The following KIAA2012 variants were observed in gnomAD, a reference collection of about 807,000 sequenced individuals.
KIAA2012 encodes the protein KIAA2012.
In KIAA2012, 125 loss-of-function variants were observed where a neutral mutation model predicts 150.6. The ratio of observed to expected loss-of-function variants is 0.83; its 90% CI spans 0.72 to 0.96. The LOEUF (loss-of-function observed/expected upper bound fraction) is 0.96. Ranked by LOEUF, KIAA2012 falls within the 40% of genes least tolerant of loss-of-function variation. KIAA2012 has a pLI of 0.00. For synonymous variants in KIAA2012, 462 were observed against 504.7 expected (o/e 0.92, Z 1.13); for missense variants, 1,219 against 1,354.9 (o/e 0.90, Z 1.57).
intron 2 of KIAA2012, chr2:202,076,951 AC>A (rs1239879043): frequency 2.2e-6 from 1 of 456,534 alleles, no homozygotes; most frequent in Non-Finnish European, 4.4e-6. Context: ...CCAATGGGAG[AC>A]GCTGGAAAGA....
intron 15 of KIAA2012, among the ~76,000 whole-genome samples, chr2:202,182,108 C>CTTTTTTTTTTTTTTTTTTTTT (rs754494077): frequency 9.6e-6 from 1 of 104,120 alleles, no homozygotes; most frequent in Admixed American, 1.0e-4. Flanking sequence ...TTTCTTTATT[C>CTTTTTTTTTTTTTTTTTTTTT]TTTTTTTTTT....
At chr2:202,100,493 GGAGGGA>G in intron 7 of KIAA2012, 44 bp downstream of exon 7, 1 of 1,494,082 alleles carries the variant, frequency 6.7e-7, no homozygotes, top group Non-Finnish European at 9.0e-7. Context: ...GAGAGAGAGA[GGAGGGA>G]AGAGAGAAAG....
chr2:202,175,278 G>C (rs1185013165), intron 15 of KIAA2012, among the ~76,000 whole-genome samples: 2 of 152,086 alleles, frequency 1.3e-5, no homozygotes, highest in African/African-American at 4.8e-5. Flanking sequence ...GGTTTGGTTT[G>C]GTTTTTCCTT....
chr2:202,123,896 A>T (rs769953043), intron 11 of KIAA2012, among the ~76,000 whole-genome samples: 5 of 151,616 alleles, frequency 3.3e-5, no homozygotes, highest in African/African-American at 4.9e-5. Context: ...CCTTTAAAAA[A>T]CCTTTCTTCC....
chr2:202,123,995 CCTGGCCAA>C (rs1476603397), intron 11 of KIAA2012, among the ~76,000 whole-genome samples: 1 of 152,110 alleles, frequency 6.6e-6, no homozygotes, highest in Non-Finnish European at 1.5e-5. Context: ...TCGAGACCAG[CCTGGCCAA>C]CATGGTGAAA....
intron 13 of KIAA2012, among the ~76,000 whole-genome samples, chr2:202,152,222 C>T (rs933558240): frequency 7.9e-5 from 12 of 152,132 alleles, no homozygotes; most frequent in African/African-American, 2.2e-4. Context: ...TGAGCAAAAA[C>T]AGTACTTCAC....
chr2:202,133,109 A>AAAAAAAAAT (rs766606713), intron 12 of KIAA2012, among the ~76,000 whole-genome samples: 1 of 87,860 alleles, frequency 1.1e-5, no homozygotes, highest in Admixed American at 1.3e-4. Flanking sequence ...TCTAAAAAAA[A>AAAAAAAAAT]ATATATATAT....
intron 22 of KIAA2012, chr2:202,201,864 G>A: frequency 8.0e-7 from 1 of 1,248,086 alleles, no homozygotes; most frequent in East Asian, 2.3e-5. Flanking sequence ...TGGCTGTGTT[G>A]GATATTGACC....
rs1289042972 is a variant in KIAA2012 at position 202,188,221 on chromosome 2, A to T, written c.2446A>T (p.Ser816Cys). ...GAAAGACAAAACCAAAGGACCCAAA[A>T]GCGAGAGAGAAGGAAAGGTCTACGG... Reference protein sequence around the residue: ...PKKDKTKGPKSEREGKVYGQA... With the variant: ...PKKDKTKGPKCEREGKVYGQA... Residue 816 changes from serine (S) to cysteine (C), a missense_variant, in exon 18 of 24, where the codon AGC becomes TGC. By Grantham distance (112) the Ser-to-Cys change is moderately radical (BLOSUM62 -1). Coordinates refer to ENST00000498697, the MANE Select transcript of KIAA2012 (RefSeq NM_001277372.4). The T allele has an allele frequency of 6.4e-7, 1 of 1,550,588 alleles. No individual in the cohort carries two copies. The highest frequency in any genetic ancestry group is 1.4e-5 in the African/African-American group (1 of 73,170).
intron 4 of KIAA2012, 71 bp downstream of exon 4, chr2:202,093,256 G>A (rs192219702): frequency 1.4e-6 from 2 of 1,464,686 alleles, no homozygotes; most frequent in African/African-American, 1.4e-5. Flanking sequence ...CCTTAAAATG[G>A]CATTTCCCAA....
At chr2:202,112,590 G>C (rs1445856301) in intron 10 of KIAA2012, among the ~76,000 whole-genome samples, 1 of 152,144 alleles carries the variant, frequency 6.6e-6, no homozygotes, top group Non-Finnish European at 1.5e-5. Flanking sequence ...CTTGTGGACT[G>C]AGCCCTACCC....
At chr2:202,191,832 G>C (rs1692331359) in intron 19 of KIAA2012, among the ~76,000 whole-genome samples, 1 of 152,190 alleles carries the variant, frequency 6.6e-6, no homozygotes, top group South Asian at 2.1e-4. Flanking sequence ...CCACACTTGT[G>C]AGCCAGGTAT....
intron 9 of KIAA2012, among the ~76,000 whole-genome samples, chr2:202,107,122 C>A (rs1690216833): frequency 6.6e-6 from 1 of 152,102 alleles, no homozygotes; most frequent in Non-Finnish European, 1.5e-5. Flanking sequence ...CTATAAGTGG[C>A]CTCACTAGGA....
intron 12 of KIAA2012, among the ~76,000 whole-genome samples, chr2:202,129,260 C>T (rs1293666440): frequency 6.7e-6 from 1 of 149,080 alleles, no homozygotes; most frequent in Admixed American, 6.7e-5. Flanking sequence ...CACTCTATTG[C>T]CCAGGCTGGA....
intron 14 of KIAA2012, among the ~76,000 whole-genome samples, chr2:202,156,024 G>C (rs1691518458): frequency 6.6e-6 from 1 of 152,154 alleles, no homozygotes; most frequent in Non-Finnish European, 1.5e-5. Context: ...AATGGGAAGA[G>C]AAAGGATGTC....
intron 21 of KIAA2012, among the ~76,000 whole-genome samples, 195 bp from the exon 22 acceptor site, chr2:202,196,605 A>G (rs1692419958): frequency 6.6e-6 from 1 of 152,098 alleles, no homozygotes; most frequent in African/African-American, 2.4e-5. Flanking sequence ...AAGGCTTTGT[A>G]TTAATAAAGG....
chr2:202,185,629 A>C (rs545968755), intron 16 of KIAA2012, among the ~76,000 whole-genome samples: 4 of 152,162 alleles, frequency 2.6e-5, no homozygotes, highest in Admixed American at 2.6e-4. Flanking sequence ...AAAACACAAA[A>C]ATTTTTTTAA....
intron 22 of KIAA2012, chr2:202,201,530 C>T: frequency 1.9e-6 from 3 of 1,609,012 alleles, no homozygotes; most frequent in Non-Finnish European, 2.6e-6. Flanking sequence ...CAGCAGTAGC[C>T]CCAGCTCCAA....
chr2:202,103,156 G>A (rs1690094090), intron 8 of KIAA2012, 42 bp downstream of exon 8: 1 of 1,538,166 alleles, frequency 6.5e-7, no homozygotes. Context: ...GAGAGCCTGG[G>A]ATGGGGGGTC....
Sources: gnomAD v4.1 joint callset for allele counts (sites outside exome capture counted in the v4.1 genomes callset) on GRCh38, gnomAD v4.1.1 for gene constraint, MANE v1.5 for transcripts, NCBI Gene and HGNC (gene_info 2026-07-23, HGNC 2026-07-21) for gene names.